PDE1A: variants seen among roughly 807,000 people sequenced by gnomAD.
PDE1A encodes the protein dual specificity calcium/calmodulin-dependent 3',5'-cyclic nucleotide phosphodiesterase 1A.
In PDE1A, 35 loss-of-function variants were observed where a neutral mutation model predicts 61.7. The ratio of observed to expected loss-of-function variants is 0.57; its 90% CI spans 0.43 to 0.75. The LOEUF is 0.75. Among genes scored for constraint, PDE1A ranks in the 30% least tolerant of loss-of-function variants. The pLI is 0.00. For missense variants in PDE1A, 597 were observed against 630.6 expected (o/e 0.95, Z 0.57); for synonymous variants, 232 against 213.2 (o/e 1.09, Z -0.77).
At chr2:182,263,247 G>T (rs11687469) in intron 2 of PDE1A, among the ~76,000 whole-genome samples, 35,486 of 151,928 alleles carry the variant, frequency 0.23, 4,241 homozygotes, top group Admixed American at 0.32. Context: ...TGGTGGTTTT[G>T]CTGTCATCTA....
chr2:182,429,482 G>T (rs1279155316), upstream of PDE1A, among the ~76,000 whole-genome samples: 1 of 151,996 alleles, frequency 6.6e-6, no homozygotes, highest in East Asian at 1.9e-4. Flanking sequence ...GTCAGAAAGG[G>T]TGTTTTTATT....
At chr2:182,292,244 T>C (rs1694586036) in intron 1 of PDE1A, among the ~76,000 whole-genome samples, 2 of 152,096 alleles carry the variant, frequency 1.3e-5, no homozygotes, top group Non-Finnish European at 2.9e-5. Flanking sequence ...AATGCAGATA[T>C]TTTGGAGAAA....
At chr2:182,406,997 G>C (rs1702335075) in intron 1 of PDE1A, among the ~76,000 whole-genome samples, 1 of 152,114 alleles carries the variant, frequency 6.6e-6, no homozygotes, top group Admixed American at 6.5e-5. Context: ...GTTCAGTAGA[G>C]AGTATAGCGA....
At chr2:182,489,979 C>T (rs1432876824) in intron 2 of PDE1A, among the ~76,000 whole-genome samples, 1 of 80,770 alleles carries the variant, frequency 1.2e-5, no homozygotes, top group Admixed American at 1.0e-4. Context: ...TTCCAAAATT[C>T]CAATGTGTAA....
At chr2:182,688,957 C>G in the PDE1A span, among the ~76,000 whole-genome samples, 1 of 152,186 alleles carries the variant, frequency 6.6e-6, no homozygotes, top group Non-Finnish European at 1.5e-5. Context: ...ATAAAGGGAT[C>G]AATTCAACAA....
intron 4 of PDE1A, among the ~76,000 whole-genome samples, chr2:182,233,775 CCACACACACACACACACACACA>C (rs4018725): frequency 1.4e-5 from 2 of 147,188 alleles, no homozygotes; most frequent in South Asian, 4.5e-4. Flanking sequence ...CACATGAACA[CCACACACACACACACACACACA>C]CACACACACA....
At chr2:182,597,901 G>A in the PDE1A span, among the ~76,000 whole-genome samples, 5 of 152,204 alleles carry the variant, frequency 3.3e-5, no homozygotes, top group African/African-American at 9.6e-5. Context: ...GCACTGAGGC[G>A]TTAAGAAAAT....
At chr2:182,476,771 T>G (rs1269741034) in intron 2 of PDE1A, among the ~76,000 whole-genome samples, 4 of 151,160 alleles carry the variant, frequency 2.6e-5, no homozygotes, top group African/African-American at 7.3e-5. Context: ...ACCCTGAAAA[T>G]GAAGATACAG....
chr2:182,223,917 G>A lies in PDE1A; in HGVS notation c.723C>T (p.Ala241=), dbSNP rs752228835. The stretch of plus-strand genomic sequence containing the variant: ...TCCCTGTATGCTCATAATCATGAAT[G>A]GCAGCAGCAAAGACCATTGCTAAAA... The change falls in exon 7 of 14, where the codon GCC becomes GCT. Residue 241 remains alanine, a synonymous_variant. Transcript: ENST00000351439. 4 of 1,604,436 alleles carry A rather than the reference G, an allele frequency of 2.5e-6. No individual in the cohort carries two copies. In the African/African-American group the frequency reaches 4.0e-5, roughly 16 times the overall value.
the PDE1A span, among the ~76,000 whole-genome samples, chr2:182,641,809 T>C: frequency 1.3e-5 from 2 of 152,232 alleles, no homozygotes; most frequent in African/African-American, 2.4e-5. Context: ...AATTTGAGCA[T>C]GTCAGTATAG....
At chr2:182,347,595 T>C (rs1254671887) in intron 1 of PDE1A, among the ~76,000 whole-genome samples, 3 of 152,150 alleles carry the variant, frequency 2.0e-5, no homozygotes, top group Non-Finnish European at 4.4e-5. Context: ...GAACATTGTT[T>C]TTTTGTCCAC....
At chr2:182,577,697 G>A in the PDE1A span, among the ~76,000 whole-genome samples, 1 of 152,160 alleles carries the variant, frequency 6.6e-6, no homozygotes, top group African/African-American at 2.4e-5. Context: ...AAAGAGAGTT[G>A]GTAGAACCTT....
chr2:182,403,598 C>CAAAAAA (rs548993514), intron 1 of PDE1A, among the ~76,000 whole-genome samples: 7 of 77,616 alleles, frequency 9.0e-5, no homozygotes, highest in East Asian at 3.3e-4. Flanking sequence ...GACTCCGTCT[C>CAAAAAA]AAAAAAAAAA....
At chr2:182,480,876 A>G (rs1406202617) in intron 2 of PDE1A, among the ~76,000 whole-genome samples, 1 of 151,846 alleles carries the variant, frequency 6.6e-6, no homozygotes, top group Non-Finnish European at 1.5e-5. Context: ...CATGGAAGGG[A>G]TATTTCCTCT....
intron 1 of PDE1A, among the ~76,000 whole-genome samples, chr2:182,332,865 A>T (rs1697512537): frequency 6.6e-6 from 1 of 151,834 alleles, no homozygotes; most frequent in Non-Finnish European, 1.5e-5. Context: ...GGCTCAAAAT[A>T]AAGTGATGGA....
the PDE1A span, among the ~76,000 whole-genome samples, chr2:182,571,674 T>TAAG: frequency 5.3e-5 from 8 of 149,650 alleles, no homozygotes; most frequent in African/African-American, 2.0e-4. Flanking sequence ...TATTTAAAAA[T>TAAG]AATAATAATA....
chr2:182,255,949 T>G (rs1295003137), intron 2 of PDE1A, among the ~76,000 whole-genome samples: 17 of 151,240 alleles, frequency 1.1e-4, no homozygotes, highest in African/African-American at 3.4e-4. Flanking sequence ...TGGGATTACA[T>G]GCGTGAGCCA....
rs543517332 is a variant in PDE1A, at chr2:182,240,091, TA to T, written c.350+18del. On this transcript the variant is annotated intron_variant, in intron 3 of 13. Coordinates refer to ENST00000351439, the Ensembl canonical transcript of PDE1A. Reference sequence around the variant, plus strand: ...CCTTTCAAATGTTACTGTCTTGAGATACCAACAATTTCACTTACCTTTCCAC... The same window carrying T: ...CCTTTCAAATGTTACTGTCTTGAGATCCAACAATTTCACTTACCTTTCCAC... The T allele has an allele frequency of 5.2e-5, 84 of 1,607,464 alleles. No homozygotes were observed. The highest frequency in any genetic ancestry group is 7.0e-5 in the Non-Finnish European group (82 of 1,175,418).
intron 13 of PDE1A, among the ~76,000 whole-genome samples, chr2:182,156,736 T>A (rs987554543): frequency 1.3e-4 from 20 of 152,164 alleles, no homozygotes; most frequent in Non-Finnish European, 2.9e-4. Context: ...CAGTAGAAGA[T>A]AATCTAAAAA....
Sources: gnomAD v4.1 joint callset for allele counts (sites outside exome capture counted in the v4.1 genomes callset) on GRCh38, gnomAD v4.1.1 for gene constraint, MANE v1.5 for transcripts, NCBI Gene and HGNC (gene_info 2026-07-23, HGNC 2026-07-21) for gene names.